Variants in FSTL5 observed in about 807,000 individuals in gnomAD.
The protein encoded by FSTL5 is follistatin like 5.
Under a neutral mutation model 89.1 loss-of-function variants are expected in FSTL5, and 62 were observed. The observed-to-expected ratio is 0.70, with a 90% CI of 0.57 to 0.86. FSTL5 has a LOEUF of 0.86. Ranked by LOEUF, FSTL5 falls within the 40% of genes least tolerant of loss-of-function variation. FSTL5 has a pLI of 0.00. For synonymous variants in FSTL5, 383 were observed against 346.2 expected (o/e 1.11, Z -1.18); for missense variants, 1,057 against 1,001.6 (o/e 1.06, Z -0.75).
intron 4 of FSTL5, among the ~76,000 whole-genome samples, chr4:161,894,479 TC>T (rs1219412924): frequency 2.6e-5 from 4 of 151,780 alleles, no homozygotes; most frequent in Admixed American, 2.0e-4. Context: ...TCTATATATA[TC>T]TTTTTTCTTT....
chr4:161,458,811 G>A (rs1482573225), intron 14 of FSTL5, among the ~76,000 whole-genome samples: 1 of 152,144 alleles, frequency 6.6e-6, no homozygotes, highest in Non-Finnish European at 1.5e-5. Context: ...TTAGAAATAA[G>A]CCTCTCCTCA....
Position 161,554,031 on chromosome 4 carries a change from G to C in FSTL5, c.1016-11338C>G, listed in dbSNP as rs189005520. ...ATTGCTCTAAGAATACATAAGACTA[G>C]TACATTTTAACATTACACAAATTTA... On this transcript the variant is annotated intron_variant, in intron 8 of 15. Transcript: ENST00000306100. Among the ~76,000 whole-genome samples the C allele has an allele frequency of 4.4e-3, 671 of 151,472 alleles. 6 individuals carry two copies. The highest frequency in any genetic ancestry group is 0.017 in the Middle Eastern group (5 of 294).
At chr4:162,112,158 C>T (rs954699473) in intron 1 of FSTL5, among the ~76,000 whole-genome samples, 5 of 152,266 alleles carry the variant, frequency 3.3e-5, no homozygotes, top group East Asian at 1.9e-4. Context: ...TTATCACTTT[C>T]GCCAACACAC....
intron 7 of FSTL5, among the ~76,000 whole-genome samples, chr4:161,653,717 A>AT (rs1409579820): frequency 6.6e-6 from 1 of 152,198 alleles, no homozygotes; most frequent in African/African-American, 2.4e-5. Flanking sequence ...GATATTTTGC[A>AT]TTTGTCACAT....
intron 1 of FSTL5, among the ~76,000 whole-genome samples, chr4:162,145,280 C>A (rs2111494868): frequency 6.6e-6 from 1 of 151,938 alleles, no homozygotes; most frequent in South Asian, 2.1e-4. Flanking sequence ...AAATAAGAAT[C>A]AAAATGTATA....
At chr4:161,533,928 T>C (rs532817665) in intron 10 of FSTL5, among the ~76,000 whole-genome samples, 8 of 152,136 alleles carry the variant, frequency 5.3e-5, no homozygotes, top group Admixed American at 2.0e-4. Flanking sequence ...TGGTTCAACA[T>C]ATGCAAATCA....
rs755335982 is a variant in FSTL5 at position 161,656,381 on chromosome 4, T to C, written c.841A>G (p.Ile281Val). The change falls in exon 7 of 16, where the codon ATC becomes GTC. Residue 281 changes from isoleucine to valine, a missense_variant. Transcript: ENST00000306100. ...AIQGTLRPPI[I>V]WKRNNIILNN... Reference sequence around the variant, plus strand: ...AGAATAATATTGTTCCTTTTCCAGATAATGGGAGGTCTCAGGGTTCCTTGA... The same window carrying C: ...AGAATAATATTGTTCCTTTTCCAGACAATGGGAGGTCTCAGGGTTCCTTGA... 1.2e-6 allele frequency: 2 copies of C among 1,606,312 alleles called. No individual in the cohort carries two copies. Among genetic ancestry groups the C allele is most frequent in the African/African-American group, 2.7e-5 (2 of 74,696 alleles).
At chr4:161,440,744 A>G (rs1346432608) in intron 15 of FSTL5, among the ~76,000 whole-genome samples, 2 of 152,160 alleles carry the variant, frequency 1.3e-5, no homozygotes, top group Non-Finnish European at 2.9e-5. Flanking sequence ...TTGAGGAAAT[A>G]AAGGTCTCCA....
chr4:161,418,088 T>C (rs1731849175), intron 15 of FSTL5, among the ~76,000 whole-genome samples: 1 of 152,158 alleles, frequency 6.6e-6, no homozygotes, highest in Admixed American at 6.5e-5. Flanking sequence ...GCTCAATTCA[T>C]CTGTTTTCCT....
chr4:161,547,506 A>G (rs1732047707), intron 8 of FSTL5, among the ~76,000 whole-genome samples: 1 of 151,978 alleles, frequency 6.6e-6, no homozygotes, highest in South Asian at 2.1e-4. Flanking sequence ...AGAAAGAATA[A>G]TTAGTGGTCA....
At chr4:161,635,245 C>T (rs1473864342) in intron 7 of FSTL5, among the ~76,000 whole-genome samples, 40 of 151,974 alleles carry the variant, frequency 2.6e-4, no homozygotes, top group African/African-American at 8.0e-4. Context: ...AAAAATTAGC[C>T]GGGCGTGGTG....
At chr4:161,729,695 A>G (rs1006365814) in intron 6 of FSTL5, among the ~76,000 whole-genome samples, 2 of 152,242 alleles carry the variant, frequency 1.3e-5, no homozygotes, top group Admixed American at 1.3e-4. Context: ...TTTGAAATAA[A>G]GCAAGCAAAA....
chr4:161,880,531 A>G (rs1050562644), intron 4 of FSTL5, among the ~76,000 whole-genome samples: 6 of 152,134 alleles, frequency 3.9e-5, no homozygotes, highest in African/African-American at 1.4e-4. Context: ...TTGACCTAGC[A>G]TAAACATTCC....
At chr4:161,701,947 T>C (rs185044396) in intron 6 of FSTL5, among the ~76,000 whole-genome samples, 59 of 152,252 alleles carry the variant, frequency 3.9e-4, no homozygotes, top group Non-Finnish European at 7.1e-4. Context: ...TTAATTTACT[T>C]CATTACAATG....
At chr4:161,753,298 TC>T (rs912481175) in intron 6 of FSTL5, among the ~76,000 whole-genome samples, 2 of 152,132 alleles carry the variant, frequency 1.3e-5, no homozygotes, top group Non-Finnish European at 2.9e-5. Flanking sequence ...TTGCATCTCT[TC>T]CCGTGACCCC....
chr4:161,597,704 G>A (rs1461968370), intron 7 of FSTL5, among the ~76,000 whole-genome samples: 1 of 151,848 alleles, frequency 6.6e-6, no homozygotes, highest in Non-Finnish European at 1.5e-5. Context: ...GAAGCCTATG[G>A]CAGTTGTCCT....
At chr4:161,839,406 T>C (rs946747992) in intron 4 of FSTL5, among the ~76,000 whole-genome samples, 1 of 152,086 alleles carries the variant, frequency 6.6e-6, no homozygotes, top group East Asian at 1.9e-4. Context: ...TTGCCAAAGA[T>C]CTAATTTCTA....
intron 1 of FSTL5, among the ~76,000 whole-genome samples, chr4:162,156,918 T>A (rs1168870175): frequency 6.6e-6 from 1 of 152,072 alleles, no homozygotes; most frequent in Non-Finnish European, 1.5e-5. Flanking sequence ...ATAATTTAAC[T>A]TTTTTTAAAA....
intron 15 of FSTL5, among the ~76,000 whole-genome samples, chr4:161,440,001 T>C (rs1379957482): frequency 6.6e-6 from 1 of 152,124 alleles, no homozygotes; most frequent in Non-Finnish European, 1.5e-5. Context: ...TATCTGGAAG[T>C]TGCAGGGTCT....
Sources: allele counts gnomAD v4.1 joint callset (sites outside exome capture counted in the v4.1 genomes callset), GRCh38; gene constraint gnomAD v4.1.1; transcripts MANE v1.5; gene names NCBI Gene and HGNC (gene_info 2026-07-23, HGNC 2026-07-21).